The following ANKS1B variants were observed in gnomAD, a reference collection of about 807,000 sequenced individuals.
The protein encoded by ANKS1B is ankyrin repeat and sterile alpha motif domain-containing protein 1B.
In ANKS1B, 36 loss-of-function variants were observed where a neutral mutation model predicts 148.3. The ratio of observed to expected loss-of-function variants is 0.24; its 90% CI spans 0.19 to 0.32. The LOEUF (loss-of-function observed/expected upper bound fraction) is 0.32, where lower values mean the gene tolerates loss of function less well. Ranked by LOEUF, ANKS1B falls within the 10% of genes least tolerant of loss-of-function variation. The pLI is 1.00. For synonymous variants in ANKS1B, 542 were observed against 560.8 expected (o/e 0.97, Z 0.47); for missense variants, 1,157 against 1,542.6 (o/e 0.75, Z 4.19).
chr12:99,899,938 G>A (rs1312642661), intron 1 of ANKS1B, among the ~76,000 whole-genome samples: 5 of 150,626 alleles, frequency 3.3e-5, no homozygotes, highest in Non-Finnish European at 7.4e-5. Context: ...TCGCTTTGTC[G>A]CCCAGGCTGG....
chr12:99,647,047 T>A (rs2098376889), intron 9 of ANKS1B, among the ~76,000 whole-genome samples: 1 of 151,882 alleles, frequency 6.6e-6, no homozygotes, highest in South Asian at 2.1e-4. Context: ...AGAAATAAAT[T>A]TCCTAATAAA....
chr12:98,772,936 CG>C, intron 25 of ANKS1B, 105 bp downstream of exon 25: 1 of 1,284,670 alleles, frequency 7.8e-7, no homozygotes, highest in Non-Finnish European at 1.1e-6. Context: ...ATCTTAATAC[CG>C]GGTAAACAAG....
chr12:99,191,364 T>C (rs2080675516), intron 14 of ANKS1B, among the ~76,000 whole-genome samples: 1 of 152,158 alleles, frequency 6.6e-6, no homozygotes, highest in South Asian at 2.1e-4. Context: ...CAAAGGAGTA[T>C]AAATCATTCT....
intron 9 of ANKS1B, among the ~76,000 whole-genome samples, chr12:99,587,267 A>C (rs377497714): frequency 1.3e-5 from 2 of 152,204 alleles, no homozygotes; most frequent in African/African-American, 2.4e-5. Flanking sequence ...GGAAGAGTGG[A>C]AGTCAGTAAT....
intron 9 of ANKS1B, among the ~76,000 whole-genome samples, chr12:99,580,667 T>G (rs1054359493): frequency 2.0e-5 from 3 of 152,164 alleles, no homozygotes; most frequent in Non-Finnish European, 4.4e-5. Context: ...AAGGAATAAG[T>G]TCTATTGTTC....
At chr12:98,865,145 G>C (rs1177226358) in intron 17 of ANKS1B, among the ~76,000 whole-genome samples, 1 of 152,040 alleles carries the variant, frequency 6.6e-6, no homozygotes, top group Non-Finnish European at 1.5e-5. Context: ...ACCTTTTCAT[G>C]GTCCTTAGTC....
chr12:99,323,901 A>G (rs186234022), intron 12 of ANKS1B, among the ~76,000 whole-genome samples: 16 of 152,212 alleles, frequency 1.1e-4, no homozygotes, highest in African/African-American at 2.9e-4. Context: ...AACTTCTTGT[A>G]TAATATTTTT....
chr12:99,455,529 G>A (rs763360587), intron 10 of ANKS1B, among the ~76,000 whole-genome samples: 1 of 152,210 alleles, frequency 6.6e-6, no homozygotes, highest in Non-Finnish European at 1.5e-5. Context: ...CAAGTTCTTA[G>A]TCCTGCTCAT....
intron 16 of ANKS1B, among the ~76,000 whole-genome samples, chr12:99,076,866 C>T (rs1191181632): frequency 2.0e-5 from 3 of 152,056 alleles, no homozygotes; most frequent in African/African-American, 7.2e-5. Context: ...CACAGCCACA[C>T]TCATTCATTT....
intron 15 of ANKS1B, among the ~76,000 whole-genome samples, chr12:99,098,619 C>CTTTTTTTTTTTTTTTTTTTTTTTTTTTT (rs71081896): frequency 3.1e-5 from 1 of 32,112 alleles, no homozygotes; most frequent in Non-Finnish European, 5.9e-5. Flanking sequence ...CTAGGAACTA[C>CTTTTTTTTTTTTTTTTTTTTTTTTTTTT]TTTTTTTTTT....
rs1300121671 is a variant in ANKS1B at position 99,361,221 on chromosome 12, T to C, written c.1756+38410A>G. ...CCCATTGCATGACTGTATCAAAGCA[T>C]CACATGTACCCCCATAAATAATATA... On this transcript the variant is annotated intron_variant, in intron 12 of 26. Coordinates refer to ENST00000683438, the MANE Select transcript of ANKS1B (RefSeq NM_001352186.2). 2.6e-5 allele frequency among the ~76,000 whole-genome samples: 4 copies of C among 152,032 alleles called. 1 individual carries two copies. Among genetic ancestry groups the C allele is most frequent in the Non-Finnish European group, 5.9e-5 (4 of 68,002 alleles).
intron 12 of ANKS1B, among the ~76,000 whole-genome samples, chr12:99,316,421 G>C (rs1163766399): frequency 1.3e-5 from 2 of 152,180 alleles, no homozygotes; most frequent in Non-Finnish European, 2.9e-5. Context: ...CTGATACCCA[G>C]TGATGATAAG....
intron 17 of ANKS1B, among the ~76,000 whole-genome samples, chr12:98,988,099 A>G (rs1011668507): frequency 1.3e-5 from 2 of 152,200 alleles, no homozygotes; most frequent in African/African-American, 2.4e-5. Context: ...ATTATCTCAC[A>G]GTTATTTTTG....
intron 15 of ANKS1B, among the ~76,000 whole-genome samples, chr12:99,102,787 A>G (rs962485867): frequency 6.6e-6 from 1 of 152,082 alleles, no homozygotes; most frequent in Non-Finnish European, 1.5e-5. Context: ...TTAGCTGGGC[A>G]TGGTGGTTCA....
In ANKS1B at chr12:99,220,847, T is replaced by A. The variant is rs78407886; in HGVS notation, c.2419+23495A>T. Reference sequence around the variant, plus strand: ...TCATCTAGTAAAAATAAAGTTTGATTCATACCTCATTCCTTATACAACAGT... The same window carrying A: ...TCATCTAGTAAAAATAAAGTTTGATACATACCTCATTCCTTATACAACAGT... On this transcript the variant is annotated intron_variant, in intron 14 of 26. Transcript: ENST00000683438. Among the ~76,000 whole-genome samples the A allele has an allele frequency of 3.5e-3, 540 of 152,262 alleles. 4 individuals are homozygous for A. The highest frequency in any genetic ancestry group is 0.012 in the African/African-American group (517 of 41,538).
chr12:99,524,458 G>A (rs552908521), intron 9 of ANKS1B, among the ~76,000 whole-genome samples: 1 of 152,144 alleles, frequency 6.6e-6, no homozygotes, highest in Admixed American at 6.5e-5. Flanking sequence ...GCATTATCCA[G>A]GTGGCCCACT....
chr12:98,953,435 G>A (rs1042589890), intron 17 of ANKS1B, among the ~76,000 whole-genome samples: 2 of 151,474 alleles, frequency 1.3e-5, no homozygotes, highest in African/African-American at 4.8e-5. Context: ...TTACAGAAAT[G>A]AGCCACTATG....
At chr12:99,491,920 G>A (rs1042115729) in intron 10 of ANKS1B, among the ~76,000 whole-genome samples, 1 of 152,074 alleles carries the variant, frequency 6.6e-6, no homozygotes, top group Non-Finnish European at 1.5e-5. Flanking sequence ...AGTGTTAAGA[G>A]GGAAATTTAT....
At chr12:98,892,163 C>G (rs1251964915) in intron 17 of ANKS1B, among the ~76,000 whole-genome samples, 2 of 152,204 alleles carry the variant, frequency 1.3e-5, no homozygotes, top group Non-Finnish European at 2.9e-5. Context: ...TCAATAAACT[C>G]TCCTTGGTGT....
Sources: allele counts gnomAD v4.1 joint callset (sites outside exome capture counted in the v4.1 genomes callset), GRCh38; gene constraint gnomAD v4.1.1; transcripts MANE v1.5; gene names NCBI Gene and HGNC (gene_info 2026-07-23, HGNC 2026-07-21).